Variants in TPST2 observed in about 807,000 individuals in gnomAD.
TPST2 encodes tyrosylprotein sulfotransferase 2.
TPST2 carries 16 observed loss-of-function variants against 27.8 expected under a neutral mutation model. That is an observed-to-expected ratio of 0.58 (90% CI 0.39 to 0.88). TPST2 has a LOEUF of 0.88. TPST2 is among the 40% of genes least tolerant of loss of function. TPST2 has a pLI of 0.00. For synonymous variants in TPST2, 229 were observed against 231.7 expected (o/e 0.99, Z 0.10); for missense variants, 464 against 543.1 (o/e 0.85, Z 1.45).
intron 1 of TPST2, among the ~76,000 whole-genome samples, chr22:26,578,286 G>A (rs927337936): frequency 6.6e-6 from 1 of 152,166 alleles, no homozygotes; most frequent in Non-Finnish European, 1.5e-5. Context: ...TAGCGCCCGT[G>A]TGCTTCGTCT....
chr22:26,554,206 C>T (rs112424030), intron 1 of TPST2, among the ~76,000 whole-genome samples: 8 of 152,274 alleles, frequency 5.3e-5, no homozygotes, highest in Non-Finnish European at 7.4e-5. Flanking sequence ...TTCCAAATCT[C>T]GACCCCACCC....
rs1239941116 is a variant in TPST2, at chr22:26,525,357, G to A, written c.*918C>T. ...GCCTCCTGAGTAGCTGGGATTACAG[G>A]TGCACACCACCACGCCCAGGTAATT... On this transcript the variant is annotated 3_prime_UTR_variant, in exon 7 of 7. Coordinates refer to ENST00000338754, the MANE Select transcript of TPST2 (RefSeq NM_003595.5). 1 of 151,280 alleles carries A rather than the reference G, an allele frequency of 6.6e-6. No homozygotes were observed. Among genetic ancestry groups the A allele is most frequent in the Non-Finnish European group, 1.5e-5 (1 of 68,138 alleles). The allele number at this position is 151,280 out of a possible 1,614,324, so 9.4% of individuals were successfully genotyped here.
At chr22:26,564,493 G>A (rs1018438046) in intron 1 of TPST2, among the ~76,000 whole-genome samples, 4 of 152,214 alleles carry the variant, frequency 2.6e-5, no homozygotes, top group African/African-American at 9.6e-5. Flanking sequence ...GCAGAGGAGG[G>A]AAAGTGCTCC....
chr22:26,530,734 G>A (rs752628173), intron 5 of TPST2, among the ~76,000 whole-genome samples: 2 of 152,010 alleles, frequency 1.3e-5, no homozygotes, highest in Non-Finnish European at 2.9e-5. Flanking sequence ...TTGGGGTCAG[G>A]AGCAGTGGCT....
intron 1 of TPST2, among the ~76,000 whole-genome samples, chr22:26,547,178 C>A (rs1926172574): frequency 6.6e-6 from 1 of 152,104 alleles, no homozygotes; most frequent in African/African-American, 2.4e-5. Flanking sequence ...GCCTTGACTT[C>A]CTCGAGCTCA....
At chr22:26,536,097 G>C (rs1475832726) in intron 4 of TPST2, 191 bp downstream of exon 4, 3 of 820,208 alleles carry the variant, frequency 3.7e-6, no homozygotes, top group Non-Finnish European at 6.2e-6. Flanking sequence ...AGTTGGCTTT[G>C]AGCTTCCCTG....
chr22:26,556,327 TC>T (rs1205228947), intron 1 of TPST2, among the ~76,000 whole-genome samples: 3 of 151,920 alleles, frequency 2.0e-5, no homozygotes, highest in Admixed American at 2.0e-4. Flanking sequence ...TCACCTGAGG[TC>T]AGGAGTTCAA....
chr22:26,563,111 G>A (rs1474394802), intron 1 of TPST2, among the ~76,000 whole-genome samples: 1 of 152,120 alleles, frequency 6.6e-6, no homozygotes, highest in Non-Finnish European at 1.5e-5. Context: ...GAAACTGACT[G>A]GGTTCACTGA....
chr22:26,541,200 A>C lies in TPST2; in HGVS notation c.431T>G (p.Val144Gly), dbSNP rs1602261697. The change falls in exon 3 of 7, where the codon GTG becomes GGG. Residue 144 changes from valine (V) to glycine (G), a missense_variant. Physicochemically the swap from Val to Gly is moderately radical, Grantham distance 109 (BLOSUM62 -3). Transcript: ENST00000338754. The surrounding 1 kb of genome is among the most constrained non-coding windows in gnomAD (Gnocchi z 5.9). ...GGCCGGCTCTCCGTGCTTGGCAATC[A>C]CCTCCAGGATGAAGGCCTGCATGGC... Reference protein sequence around the residue: ...DAAMQAFILEVIAKHGEPARV... With the variant: ...DAAMQAFILEGIAKHGEPARV... 6.3e-7 allele frequency: 1 copy of C among 1,582,956 alleles called. No homozygotes were observed. Among genetic ancestry groups the C allele is most frequent in the Non-Finnish European group, 8.6e-7 (1 of 1,162,026 alleles).
intron 1 of TPST2, among the ~76,000 whole-genome samples, chr22:26,552,300 G>A (rs567353685): frequency 3.3e-5 from 5 of 152,252 alleles, no homozygotes; most frequent in African/African-American, 7.2e-5. Flanking sequence ...CTCCCTGTTC[G>A]TTGTCATTTA....
At chr22:26,526,728 G>A (rs2283816) in intron 6 of TPST2, among the ~76,000 whole-genome samples, 28,519 of 152,176 alleles carry the variant, frequency 0.19, 3,625 homozygotes, top group South Asian at 0.41. Context: ...AACAGTTAGT[G>A]AGGAACAGGG....
chr22:26,565,993 T>C (rs1288975861), intron 1 of TPST2, among the ~76,000 whole-genome samples: 2 of 152,174 alleles, frequency 1.3e-5, no homozygotes, highest in African/African-American at 2.4e-5. Flanking sequence ...TTTCCAAGAA[T>C]GGGAATGAGT....
At chr22:26,551,612 C>G (rs1926473514) in intron 1 of TPST2, among the ~76,000 whole-genome samples, 1 of 152,134 alleles carries the variant, frequency 6.6e-6, no homozygotes, top group Non-Finnish European at 1.5e-5. Context: ...CTGTCCCAGT[C>G]TCCCGTTCAG....
At chr22:26,538,285 TG>T (rs1055674542) in intron 3 of TPST2, among the ~76,000 whole-genome samples, 84 of 152,348 alleles carry the variant, frequency 5.5e-4, no homozygotes, top group Admixed American at 4.4e-3. Flanking sequence ...GCTGCAAACC[TG>T]GATTTAAATC....
Position 26,528,197 on chromosome 22 carries a change from G to A in TPST2, c.*7+17C>T, listed in dbSNP as rs1301983631. 6.4e-7 allele frequency: 1 copy of A among 1,557,630 alleles called. No individual in the cohort carries two copies. Among genetic ancestry groups the A allele is most frequent in the East Asian group, 2.4e-5 (1 of 41,728 alleles). On this transcript the variant is annotated intron_variant, in intron 6 of 6. Transcript: ENST00000338754. ...CCCAGAAGCAGCGGGAACCCCCAGTGAAGTCCACAGGCTTACCTGGAAATC... is the reference window on the plus strand; with the variant it reads ...CCCAGAAGCAGCGGGAACCCCCAGTAAAGTCCACAGGCTTACCTGGAAATC...
At chr22:26,578,498 C>CGATCCT (rs1927951273) in intron 1 of TPST2, among the ~76,000 whole-genome samples, 1 of 152,202 alleles carries the variant, frequency 6.6e-6, no homozygotes, top group Non-Finnish European at 1.5e-5. Context: ...GCAAACCTGA[C>CGATCCT]CACGCTCTGC....
At chr22:26,582,015 C>T (rs1489325587) in intron 1 of TPST2, among the ~76,000 whole-genome samples, 1 of 152,206 alleles carries the variant, frequency 6.6e-6, no homozygotes, top group Non-Finnish European at 1.5e-5. Flanking sequence ...GGTAATCTGC[C>T]AATTTCTGAT....
At chr22:26,580,988 C>T (rs566437303) in intron 1 of TPST2, among the ~76,000 whole-genome samples, 5 of 150,952 alleles carry the variant, frequency 3.3e-5, no homozygotes, top group Non-Finnish European at 7.4e-5. Context: ...TTTATTATAA[C>T]ACCACCGATT....
Position 26,570,045 on chromosome 22 carries a change from C to CAGAA in TPST2, c.-161+20004_-161+20007dup, listed in dbSNP as rs374357837. On this transcript the variant is annotated intron_variant, in intron 1 of 6. Coordinates refer to ENST00000338754, the MANE Select transcript of TPST2 (RefSeq NM_003595.5). ...AAAGAAAGAAAGAAAGAAAGAAAGACAGAAAGAAAGAAAGAAAGAAGGAAA... is the reference window on the plus strand; with the variant it reads ...AAAGAAAGAAAGAAAGAAAGAAAGACAGAAAGAAAGAAAGAAAGAAAGAAGGAAA... Among the ~76,000 whole-genome samples, 880 of 96,862 alleles carry CAGAA rather than the reference C, an allele frequency of 9.1e-3. 36 individuals are homozygous for CAGAA. Among genetic ancestry groups the CAGAA allele is most frequent in the African/African-American group, 0.025 (659 of 26,270 alleles). The allele number at this position is 96,862 out of a possible 152,430, so 63.5% of individuals were successfully genotyped here.
Sources: allele counts gnomAD v4.1 joint callset (sites outside exome capture counted in the v4.1 genomes callset), GRCh38; gene constraint gnomAD v4.1.1; non-coding constraint Gnocchi (gnomAD v3.1); transcripts MANE v1.5; gene names NCBI Gene and HGNC (gene_info 2026-07-23, HGNC 2026-07-21).